AGBL4: variants seen among roughly 807,000 people sequenced by gnomAD.
AGBL4 encodes the protein AGBL carboxypeptidase 4, also known as cytosolic carboxypeptidase 6.
In AGBL4, 58 loss-of-function variants were observed where a neutral mutation model predicts 66.4. The observed-to-expected ratio is 0.87, with a 90% CI of 0.71 to 1.09. The LOEUF (loss-of-function observed/expected upper bound fraction) is 1.09, where lower values mean the gene tolerates loss of function less well. Ranked by LOEUF, AGBL4 falls within the 50% of genes least tolerant of loss-of-function variation. The pLI is 0.00. For missense variants in AGBL4, 579 were observed against 631.0 expected, an observed-to-expected ratio of 0.92 and a Z score of 0.88; for synonymous variants, 234 against 222.9, an observed-to-expected ratio of 1.05 and a Z score of -0.44.
intron 3 of AGBL4, among the ~76,000 whole-genome samples, chr1:49,440,697 T>C (rs1016391907): frequency 6.6e-6 from 1 of 152,076 alleles, no homozygotes; most frequent in African/African-American, 2.4e-5. Flanking sequence ...GAGAAAGAGC[T>C]GAAATTATGG....
chr1:49,412,534 A>G (rs1346110173), intron 3 of AGBL4, among the ~76,000 whole-genome samples: 3 of 152,030 alleles, frequency 2.0e-5, no homozygotes, highest in Non-Finnish European at 2.9e-5. Context: ...AACTATTCAC[A>G]CTCATACCCA....
rs1197402885 is a variant in AGBL4, at chr1:48,590,782, G to A, written c.1104+51C>T. On this transcript the variant is annotated intron_variant, in intron 10 of 13. Coordinates refer to ENST00000371839, the MANE Select transcript of AGBL4 (RefSeq NM_032785.4). ...TGAACTGAGTGAGAAGGAAGACGGG[G>A]AGGCAGGGTGTGGGGGGCTGGGGCT... 7 of 1,536,238 alleles carry A rather than the reference G, an allele frequency of 4.6e-6. No individual in the cohort carries two copies. In the African/African-American group the frequency reaches 6.9e-5, roughly 15 times the overall value.
chr1:50,001,690 G>T (rs533093996), intron 1 of AGBL4, among the ~76,000 whole-genome samples: 27 of 152,270 alleles, frequency 1.8e-4, no homozygotes, highest in Admixed American at 5.9e-4. Flanking sequence ...CCCTGCTAAA[G>T]GTGGCACCAG....
At chr1:49,394,732 A>C (rs1644919895) in intron 3 of AGBL4, among the ~76,000 whole-genome samples, 1 of 152,306 alleles carries the variant, frequency 6.6e-6, no homozygotes, top group South Asian at 2.1e-4. Context: ...GCATTGCTTA[A>C]AATTCACTAG....
intron 3 of AGBL4, among the ~76,000 whole-genome samples, chr1:49,570,578 G>C (rs1227051642): frequency 6.6e-6 from 1 of 151,950 alleles, no homozygotes; most frequent in African/African-American, 2.4e-5. Context: ...CTGTGCAGAA[G>C]CTTTTTAGTT....
chr1:48,870,499 T>C (rs929061182), intron 5 of AGBL4, among the ~76,000 whole-genome samples: 1 of 152,218 alleles, frequency 6.6e-6, no homozygotes, highest in African/African-American at 2.4e-5. Context: ...AATGACCCTG[T>C]TGATTAGGAA....
At chr1:49,264,257 G>A (rs1226520052) in intron 3 of AGBL4, among the ~76,000 whole-genome samples, 1 of 151,946 alleles carries the variant, frequency 6.6e-6, no homozygotes. Context: ...TCATTTTATT[G>A]AGTGCTTTTA....
chr1:49,127,299 C>T (rs911810888), intron 4 of AGBL4, among the ~76,000 whole-genome samples: 6 of 151,974 alleles, frequency 3.9e-5, no homozygotes, highest in Non-Finnish European at 5.9e-5. Flanking sequence ...GGATGGGAAG[C>T]GAGTGAAGGA....
chr1:49,764,234 T>C (rs1373487877), intron 2 of AGBL4, among the ~76,000 whole-genome samples: 1 of 151,970 alleles, frequency 6.6e-6, no homozygotes, highest in East Asian at 1.9e-4. Context: ...AAATCCAGCA[T>C]CGCCTGGGTG....
At chr1:49,387,218 C>G (rs1015018765) in intron 3 of AGBL4, among the ~76,000 whole-genome samples, 10 of 151,736 alleles carry the variant, frequency 6.6e-5, no homozygotes. Context: ...TTCCTTTCAC[C>G]TCTAAATTCT....
intron 9 of AGBL4, among the ~76,000 whole-genome samples, chr1:48,593,247 C>T (rs1164559297): frequency 6.6e-6 from 1 of 152,184 alleles, no homozygotes; most frequent in African/African-American, 2.4e-5. Context: ...ATAAACACAC[C>T]ATTCAGATCT....
At chr1:49,442,192 G>C (rs939283652) in intron 3 of AGBL4, among the ~76,000 whole-genome samples, 2 of 152,120 alleles carry the variant, frequency 1.3e-5, no homozygotes, top group African/African-American at 4.8e-5. Context: ...GAGAGAGAGA[G>C]ACAGAGAGAG....
chr1:49,939,218 G>C (rs1382323524), intron 1 of AGBL4, among the ~76,000 whole-genome samples: 3 of 151,048 alleles, frequency 2.0e-5, no homozygotes, highest in Non-Finnish European at 4.4e-5. Context: ...CAAACAAATG[G>C]AAGAACATTC....
chr1:48,846,842 A>G (rs1646928401), intron 6 of AGBL4, among the ~76,000 whole-genome samples: 1 of 152,160 alleles, frequency 6.6e-6, no homozygotes, highest in African/African-American at 2.4e-5. Context: ...ACTCTTGAAC[A>G]ACATAAAATA....
chr1:49,676,100 G>A (rs1646573450), intron 3 of AGBL4, among the ~76,000 whole-genome samples: 1 of 152,022 alleles, frequency 6.6e-6, no homozygotes, highest in Admixed American at 6.6e-5. Context: ...TTTTGCAGAT[G>A]AGAAAACAAA....
chr1:49,940,393 C>T (rs1654620543), intron 1 of AGBL4, among the ~76,000 whole-genome samples: 1 of 152,184 alleles, frequency 6.6e-6, no homozygotes, highest in African/African-American at 2.4e-5. Context: ...TATAAAGACA[C>T]ATGCACACAT....
chr1:48,576,821 G>C (rs375418251), intron 11 of AGBL4, among the ~76,000 whole-genome samples: 1 of 152,308 alleles, frequency 6.6e-6, no homozygotes, highest in East Asian at 1.9e-4. Flanking sequence ...CTTCAATTCT[G>C]GCAGAAGGGT....
chr1:49,164,386 G>A (rs919187555), intron 4 of AGBL4, among the ~76,000 whole-genome samples: 12 of 152,086 alleles, frequency 7.9e-5, no homozygotes, highest in East Asian at 3.9e-4. Context: ...CCAGTAACTC[G>A]AGAGCAAGAT....
chr1:49,142,418 C>T (rs2148098406), intron 4 of AGBL4, among the ~76,000 whole-genome samples: 1 of 152,318 alleles, frequency 6.6e-6, no homozygotes. Flanking sequence ...GGCTCTGCCA[C>T]TCACTAGCTG....
Sources: gnomAD v4.1 joint callset for allele counts (sites outside exome capture counted in the v4.1 genomes callset) on GRCh38, gnomAD v4.1.1 for gene constraint, MANE v1.5 for transcripts, NCBI Gene and HGNC (gene_info 2026-07-23, HGNC 2026-07-21) for gene names.